Variants in PRIM2 observed in about 807,000 individuals in gnomAD.
PRIM2 encodes the protein DNA primase large subunit.
PRIM2 carries 39 observed loss-of-function variants against 67.3 expected under a neutral mutation model. The ratio of observed to expected loss-of-function variants is 0.58; its 90% CI spans 0.45 to 0.76. The LOEUF (loss-of-function observed/expected upper bound fraction) is 0.76, where lower values mean the gene tolerates loss of function less well. PRIM2 is among the 30% of genes least tolerant of loss of function. The probability of loss-of-function intolerance (pLI) is 0.00; values close to 1 mark genes in which losing one functional copy is unlikely to be tolerated. For synonymous variants in PRIM2, 143 were observed against 198.7 expected (o/e 0.72, Z 2.36); for missense variants, 398 against 598.7 (o/e 0.66, Z 3.50).
At chr6:57,503,096 A>T (rs1192387147) in intron 7 of PRIM2, among the ~76,000 whole-genome samples, 4 of 152,146 alleles carry the variant, frequency 2.6e-5, no homozygotes, top group Non-Finnish European at 4.4e-5. Flanking sequence ...CCTTACATTC[A>T]CTCTACAAAA....
chr6:57,296,548 G>A, the PRIM2 span, among the ~76,000 whole-genome samples: 1 of 152,024 alleles, frequency 6.6e-6, no homozygotes, highest in South Asian at 2.1e-4. Context: ...TATATAGAGA[G>A]GGTGGTAGGG....
intron 7 of PRIM2, among the ~76,000 whole-genome samples, chr6:57,398,055 G>C (rs1268013957): frequency 2.0e-5 from 3 of 151,592 alleles, no homozygotes; most frequent in Non-Finnish European, 2.9e-5. Flanking sequence ...TGCCTCCCGG[G>C]TTCAAGCGAT....
At chr6:57,226,203 A>G in the PRIM2 span, among the ~76,000 whole-genome samples, 3 of 152,238 alleles carry the variant, frequency 2.0e-5, no homozygotes, top group East Asian at 5.8e-4. Context: ...ATGCACACAT[A>G]TACACAAATA....
chr6:57,494,529 A>G (rs1335786993), intron 7 of PRIM2, among the ~76,000 whole-genome samples: 1 of 152,200 alleles, frequency 6.6e-6, no homozygotes, highest in Non-Finnish European at 1.5e-5. Flanking sequence ...CTAAGTTAAC[A>G]GGGAACTGAT....
chr6:57,326,893 C>CTTTTTTTTTTTTTTT (rs70989764), intron 5 of PRIM2, among the ~76,000 whole-genome samples: 1 of 131,492 alleles, frequency 7.6e-6, no homozygotes, highest in African/African-American at 3.0e-5. Flanking sequence ...GAATTTGTAT[C>CTTTTTTTTTTTTTTT]TTTTTTTTTT....
At chr6:57,342,742 G>A (rs1385261080) in intron 5 of PRIM2, among the ~76,000 whole-genome samples, 1 of 152,208 alleles carries the variant, frequency 6.6e-6, no homozygotes, top group African/African-American at 2.4e-5. Flanking sequence ...AAGACCTAGT[G>A]TTCAGTTGCT....
the PRIM2 span, among the ~76,000 whole-genome samples, chr6:57,287,023 G>A: frequency 1.1e-4 from 17 of 152,288 alleles, 1 homozygote; most frequent in African/African-American, 4.1e-4. Context: ...ATCATCACTG[G>A]CCATTAGAGA....
the PRIM2 span, among the ~76,000 whole-genome samples, chr6:57,247,296 A>C: frequency 6.6e-6 from 1 of 152,082 alleles, no homozygotes; most frequent in African/African-American, 2.4e-5. Flanking sequence ...GTTGTATATG[A>C]TTATTCATCA....
chr6:57,382,000 A>G, intron 6 of PRIM2, 31 bp from the exon 7 acceptor site: 1 of 1,581,878 alleles, frequency 6.3e-7, no homozygotes. Flanking sequence ...ACAGGTGCTG[A>G]CTTATTTTGC....
At chr6:57,479,892 T>A (rs1483627551) in intron 7 of PRIM2, among the ~76,000 whole-genome samples, 5 of 152,204 alleles carry the variant, frequency 3.3e-5, no homozygotes, top group African/African-American at 1.2e-4. Context: ...AGCAACTAAC[T>A]ATGGTATCAG....
At chr6:57,525,815 C>G (rs2127465892) in intron 8 of PRIM2, among the ~76,000 whole-genome samples, 2 of 152,318 alleles carry the variant, frequency 1.3e-5, no homozygotes, top group Non-Finnish European at 2.9e-5. Flanking sequence ...ATCACATTAT[C>G]CTCCCTGGAC....
chr6:57,271,048 T>G, the PRIM2 span, among the ~76,000 whole-genome samples: 1 of 152,210 alleles, frequency 6.6e-6, no homozygotes, highest in African/African-American at 2.4e-5. Context: ...TATTGAGGAT[T>G]TTTGCATCGA....
intron 5 of PRIM2, among the ~76,000 whole-genome samples, chr6:57,347,365 A>G: frequency 6.6e-6 from 1 of 152,188 alleles, no homozygotes; most frequent in Admixed American, 6.5e-5. Flanking sequence ...CTGAGGAGAG[A>G]TTATCACTAA....
intron 5 of PRIM2, among the ~76,000 whole-genome samples, chr6:57,345,048 G>T (rs1768623324): frequency 1.7e-5 from 2 of 118,012 alleles, no homozygotes; most frequent in African/African-American, 3.6e-5. Context: ...GGCTTTCCAT[G>T]CCTATAACTT....
chr6:57,271,648 G>T, the PRIM2 span, among the ~76,000 whole-genome samples: 4 of 152,138 alleles, frequency 2.6e-5, no homozygotes, highest in Admixed American at 2.6e-4. Context: ...CCTGATCTTA[G>T]TTATTTCTTG....
chr6:57,381,370 T>C (rs1769955249), intron 6 of PRIM2, among the ~76,000 whole-genome samples: 1 of 152,216 alleles, frequency 6.6e-6, no homozygotes, highest in Admixed American at 6.5e-5. Context: ...AAAAATTCTA[T>C]TGGAGAGTAA....
chr6:57,297,278 C>T, the PRIM2 span, among the ~76,000 whole-genome samples: 3 of 151,940 alleles, frequency 2.0e-5, no homozygotes, highest in Non-Finnish European at 4.4e-5. Flanking sequence ...CCTGCCTCCA[C>T]TAAAAATACA....
At chr6:57,477,959 G>A (rs1175469205) in intron 7 of PRIM2, among the ~76,000 whole-genome samples, 1 of 152,076 alleles carries the variant, frequency 6.6e-6, no homozygotes, top group Admixed American at 6.5e-5. Context: ...ATCATGCACT[G>A]CACTAAAATA....
intron 10 of PRIM2, among the ~76,000 whole-genome samples, chr6:57,580,180 G>A (rs1353458340): frequency 2.6e-5 from 4 of 152,088 alleles, no homozygotes; most frequent in Non-Finnish European, 4.4e-5. Flanking sequence ...GCCCAGGACA[G>A]AGGGTTGCTT....
Sources: allele counts gnomAD v4.1 joint callset (sites outside exome capture counted in the v4.1 genomes callset), GRCh38; gene constraint gnomAD v4.1.1; transcripts MANE v1.5; gene names NCBI Gene and HGNC (gene_info 2026-07-23, HGNC 2026-07-21).